The following FOCAD variants were observed in gnomAD, a reference collection of about 807,000 sequenced individuals.
FOCAD encodes the protein KIAA1797.
Under a neutral mutation model 225.6 loss-of-function variants are expected in FOCAD, and 198 were observed. The observed-to-expected ratio is 0.88, with a 90% CI of 0.78 to 0.99. The LOEUF is 0.99. Among genes scored for constraint, FOCAD ranks in the 50% least tolerant of loss-of-function variants. The probability of loss-of-function intolerance (pLI) is 0.00; values close to 1 mark genes in which losing one functional copy is unlikely to be tolerated. For synonymous variants in FOCAD, 897 were observed against 755.0 expected (o/e 1.19, Z -3.08); for missense variants, 2,713 against 2,123.6 (o/e 1.28, Z -5.46).
chr9:20,810,263 T>C (rs1371707511), intron 11 of FOCAD, among the ~76,000 whole-genome samples: 3 of 152,124 alleles, frequency 2.0e-5, no homozygotes, highest in African/African-American at 7.2e-5. Flanking sequence ...CCCCAAAATA[T>C]TGAATCTATC....
intron 2 of FOCAD, among the ~76,000 whole-genome samples, chr9:20,665,351 A>G (rs1014406907): frequency 9.2e-5 from 14 of 152,158 alleles, no homozygotes; most frequent in South Asian, 2.1e-4. Context: ...TGTAAATACT[A>G]CATTTACACT....
chr9:20,870,005 A>G (rs1168565625), intron 18 of FOCAD, among the ~76,000 whole-genome samples: 1 of 152,128 alleles, frequency 6.6e-6, no homozygotes, highest in Non-Finnish European at 1.5e-5. Context: ...CTTCTTTAGC[A>G]CACCTCCCCA....
chr9:20,765,107 C>G (rs112380372), intron 7 of FOCAD, 34 bp downstream of exon 7: 3 of 1,564,190 alleles, frequency 1.9e-6, no homozygotes, highest in Non-Finnish European at 1.7e-6. Flanking sequence ...AAATATAGGT[C>G]AGCATCAGTA....
intron 39 of FOCAD, 143 bp downstream of exon 39, chr9:20,982,589 G>T (rs1331861843): frequency 3.0e-6 from 2 of 662,052 alleles, no homozygotes; most frequent in Non-Finnish European, 5.3e-6. Flanking sequence ...CATTTACATT[G>T]TTGAGCCTCT....
intron 1 of FOCAD, among the ~76,000 whole-genome samples, chr9:20,709,506 T>TAAAA (rs33977101): frequency 7.8e-6 from 1 of 127,920 alleles, no homozygotes; most frequent in Non-Finnish European, 1.7e-5. Context: ...CTCTGTCTCT[T>TAAAA]AAAAAAAAAA....
intron 15 of FOCAD, among the ~76,000 whole-genome samples, chr9:20,833,215 A>G (rs979849294): frequency 6.6e-6 from 1 of 152,118 alleles, no homozygotes; most frequent in South Asian, 2.1e-4. Flanking sequence ...GTGATATCTC[A>G]TAGTGGTTTT....
chr9:20,771,726 G>A (rs1319238621), intron 8 of FOCAD, among the ~76,000 whole-genome samples: 1 of 152,200 alleles, frequency 6.6e-6, no homozygotes, highest in East Asian at 1.9e-4. Flanking sequence ...CTGCACTCCA[G>A]CCTGGGCGAC....
chr9:20,754,468 C>T (rs7848773), intron 5 of FOCAD, among the ~76,000 whole-genome samples: 4,644 of 151,942 alleles, frequency 0.031, 249 homozygotes, highest in African/African-American at 0.1. Context: ...ACTATATTTC[C>T]ATAAGAAAAT....
In FOCAD at chr9:20,867,025, G is replaced by A. The variant is rs761421611; in HGVS notation, c.2190+13G>A. The A allele has an allele frequency of 6.6e-7, 1 of 1,513,384 alleles. No homozygotes were observed. The highest frequency in any genetic ancestry group is 9.0e-7 in the Non-Finnish European group (1 of 1,108,526). The allele number at this position is 1,513,384 out of a possible 1,614,324, so 93.7% of individuals were successfully genotyped here. A position where few individuals can be genotyped will look rare whatever the true frequency, so the allele number is the denominator to read the frequency against. On this transcript the variant is annotated intron_variant, in intron 18 of 43. Transcript: ENST00000338382. The stretch of plus-strand genomic sequence containing the variant: ...TCTGCCTGAAAAGGTAGGCATATCT[G>A]CTTTCTCACTGGTATTTCTTAATTT...
intron 1 of FOCAD, among the ~76,000 whole-genome samples, chr9:20,713,123 G>T (rs1014242037): frequency 6.6e-6 from 1 of 152,160 alleles, no homozygotes; most frequent in Non-Finnish European, 1.5e-5. Context: ...TACCCCAAGT[G>T]ATTCTATTGA....
At chr9:20,730,955 G>T (rs1429624011) in intron 4 of FOCAD, among the ~76,000 whole-genome samples, 1 of 152,134 alleles carries the variant, frequency 6.6e-6, no homozygotes, top group Non-Finnish European at 1.5e-5. Flanking sequence ...TTGATTTCTG[G>T]CTGAGCGCAG....
chr9:20,754,253 C>T (rs148534411), intron 5 of FOCAD, among the ~76,000 whole-genome samples: 1 of 152,272 alleles, frequency 6.6e-6, no homozygotes, highest in East Asian at 1.9e-4. Flanking sequence ...CTGAGCAATA[C>T]TTAGCCTTAT....
intron 38 of FOCAD, among the ~76,000 whole-genome samples, chr9:20,981,934 G>A (rs929920969): frequency 2.0e-5 from 3 of 152,140 alleles, no homozygotes; most frequent in Non-Finnish European, 2.9e-5. Flanking sequence ...GCTATTAGGC[G>A]TTTTTACCAA....
At chr9:20,857,935 A>G (rs1183150804) in intron 15 of FOCAD, among the ~76,000 whole-genome samples, 1 of 151,938 alleles carries the variant, frequency 6.6e-6, no homozygotes, top group Non-Finnish European at 1.5e-5. Flanking sequence ...CATCCCTGGG[A>G]TGAATCCTAC....
chr9:20,874,909 T>G (rs1189748049), intron 19 of FOCAD, 102 bp downstream of exon 19: 2 of 1,418,302 alleles, frequency 1.4e-6, no homozygotes, highest in South Asian at 1.2e-5. Context: ...TAACCTTATG[T>G]GCTTATTTTT....
intron 21 of FOCAD, among the ~76,000 whole-genome samples, chr9:20,901,496 G>T (rs543869540): frequency 2.0e-5 from 3 of 151,946 alleles, no homozygotes; most frequent in Non-Finnish European, 4.4e-5. Flanking sequence ...ATGAAGGGCT[G>T]TTATAATGAG....
At chr9:20,690,720 C>G (rs921526948) in intron 1 of FOCAD, among the ~76,000 whole-genome samples, 1 of 151,742 alleles carries the variant, frequency 6.6e-6, no homozygotes, top group South Asian at 2.1e-4. Context: ...GCTAATTTTT[C>G]TATTTCTTGT....
intron 2 of FOCAD, among the ~76,000 whole-genome samples, chr9:20,677,768 G>A (rs1024284983): frequency 1.3e-5 from 2 of 152,204 alleles, no homozygotes; most frequent in Non-Finnish European, 2.9e-5. Flanking sequence ...ATAGAAAACC[G>A]TGTGGAGGTT....
Position 20,778,735 on chromosome 9 carries a change from C to A in FOCAD, c.961C>A (p.Pro321Thr). The A allele has an allele frequency of 6.2e-7, 1 of 1,611,892 alleles. No individual in the cohort carries two copies. Among genetic ancestry groups the A allele is most frequent in the East Asian group, 2.2e-5 (1 of 44,856 alleles). ...AATAGCTTTACTACTTCTACAGACT[C>A]CAGCAAGTCAGCAGAAGCCAATCTT... is the stretch of plus-strand genomic sequence containing the variant. ...IGIALLLLQT[P>T]ASQQKPILNL... is the part of the protein sequence containing the mutation. Residue 321 changes from proline (P) to threonine (T), a missense_variant, in exon 9 of 44, where the codon CCA (proline) becomes ACA (threonine). Coordinates refer to ENST00000338382, the MANE Select transcript of FOCAD (RefSeq NM_001375567.1).
Sources: allele counts gnomAD v4.1 joint callset (sites outside exome capture counted in the v4.1 genomes callset), GRCh38; gene constraint gnomAD v4.1.1; transcripts MANE v1.5; gene names NCBI Gene and HGNC (gene_info 2026-07-23, HGNC 2026-07-21).